The following COMMD10 variants were observed in gnomAD, a reference collection of about 807,000 sequenced individuals.
COMMD10 encodes COMM domain-containing protein 10.
In COMMD10, 33 loss-of-function variants were observed where a neutral mutation model predicts 28.9. The ratio of observed to expected loss-of-function variants is 1.14; its 90% CI spans 0.87 to 1.53. COMMD10 has a LOEUF of 1.53. COMMD10 is among the 40% of genes most tolerant of loss of function. The probability of loss-of-function intolerance (pLI) is 0.00; values close to 1 mark genes in which losing one functional copy is unlikely to be tolerated. For synonymous variants in COMMD10, 110 were observed against 81.7 expected, an observed-to-expected ratio of 1.35 and a Z score of -1.87; for missense variants, 310 against 233.4, an observed-to-expected ratio of 1.33 and a Z score of -2.14.
At chr5:116,139,617 C>A (rs765238410) in intron 5 of COMMD10, among the ~76,000 whole-genome samples, 6 of 151,028 alleles carry the variant, frequency 4.0e-5, no homozygotes, top group African/African-American at 1.5e-4. Context: ...TGAAGTATCA[C>A]GTATCATATC....
intron 5 of COMMD10, among the ~76,000 whole-genome samples, chr5:116,290,612 G>A (rs528107247): frequency 1.3e-5 from 2 of 151,992 alleles, no homozygotes; most frequent in African/African-American, 4.8e-5. Flanking sequence ...ATGACCATGT[G>A]GCTCAATTTT....
rs146202667 is a variant in COMMD10, at chr5:116,104,809, C to T, written c.399+12109C>T. Among the ~76,000 whole-genome samples the T allele has an allele frequency of 7.2e-3, 1,098 of 152,124 alleles. 13 individuals carry two copies. Among genetic ancestry groups the T allele is most frequent in the African/African-American group, 0.025 (1,022 of 41,502 alleles). ...TAATTTTTTGTATTTTTAGTAGAGA[C>T]GGGGTTTCACTGTCTTAGCCAGGAT... On this transcript the variant is annotated intron_variant, in intron 4 of 6. Coordinates refer to ENST00000274458, the MANE Select transcript of COMMD10 (RefSeq NM_016144.4).
chr5:116,117,006 T>A (rs1213012267), intron 4 of COMMD10, among the ~76,000 whole-genome samples: 1 of 152,234 alleles, frequency 6.6e-6, no homozygotes, highest in Admixed American at 6.5e-5. Flanking sequence ...CAGATTAGTT[T>A]TGTCTGCTCT....
chr5:116,168,255 G>A (rs1224687033), intron 5 of COMMD10, among the ~76,000 whole-genome samples: 1 of 151,206 alleles, frequency 6.6e-6, no homozygotes, highest in Non-Finnish European at 1.5e-5. Context: ...ATTACATAAT[G>A]ATAAAGGGAT....
chr5:116,085,214 G>A, intron 1 of COMMD10, 121 bp downstream of exon 1: 1 of 715,234 alleles, frequency 1.4e-6, no homozygotes, highest in East Asian at 2.9e-5. Flanking sequence ...GAGTGGGGTG[G>A]GGTGGGGTGG....
chr5:116,211,154 G>T (rs142013271), intron 5 of COMMD10, among the ~76,000 whole-genome samples: 1 of 152,026 alleles, frequency 6.6e-6, no homozygotes, highest in Admixed American at 6.6e-5. Flanking sequence ...TTATGTTTAT[G>T]TGTGTGTTTA....
intron 5 of COMMD10, among the ~76,000 whole-genome samples, chr5:116,254,415 G>GC (rs1188145440): frequency 4.0e-5 from 6 of 151,460 alleles, no homozygotes. Context: ...GATCTTTCCT[G>GC]CTTTCTCTTG....
Position 116,276,003 on chromosome 5 carries a change from T to A in COMMD10, c.511-15514T>A, listed in dbSNP as rs540290308. Among the ~76,000 whole-genome samples, 314 of 151,024 alleles carry A rather than the reference T, an allele frequency of 2.1e-3. 9 individuals carry two copies. The highest frequency in any genetic ancestry group is 7.2e-3 in the African/African-American group (293 of 40,804). On this transcript the variant is annotated intron_variant, in intron 5 of 6. Coordinates refer to ENST00000274458, the MANE Select transcript of COMMD10 (RefSeq NM_016144.4). ...CTACCCTTGACCTTAAGGAACACAC[T>A]ATGTTTTGGAAGCCTTCATTGTAAA...
chr5:116,215,695 AATATAT>A (rs58135204), intron 5 of COMMD10, among the ~76,000 whole-genome samples: 40,555 of 133,154 alleles, frequency 0.3, 6,710 homozygotes, highest in Middle Eastern at 0.47. Flanking sequence ...TAAAAAAAGA[AATATAT>A]ATATATATAT....
intron 5 of COMMD10, among the ~76,000 whole-genome samples, chr5:116,193,853 A>G (rs944592715): frequency 3.3e-5 from 5 of 152,282 alleles, no homozygotes; most frequent in African/African-American, 1.2e-4. Flanking sequence ...CAACAACCAC[A>G]GAATATGCAT....
At chr5:116,150,464 T>C (rs1036354745) in intron 5 of COMMD10, among the ~76,000 whole-genome samples, 2 of 151,960 alleles carry the variant, frequency 1.3e-5, no homozygotes, top group African/African-American at 4.8e-5. Context: ...GCTATTTTCA[T>C]GATATTGATT....
intron 4 of COMMD10, among the ~76,000 whole-genome samples, chr5:116,106,914 G>A (rs774884724): frequency 7.9e-5 from 12 of 152,178 alleles, no homozygotes; most frequent in Middle Eastern, 6.8e-3. Flanking sequence ...ACACCAATGA[G>A]TCTTGACTCT....
rs930843987 is a variant in COMMD10 at position 116,120,507 on chromosome 5, TA to T, written c.400-13553del. On this transcript the variant is annotated intron_variant, in intron 4 of 6. Transcript: ENST00000274458. ...ACCCCAAAAACTATTGAAATAAAAT[TA>T]AAAAAAATTTTTTTTAAAGATAGAG... Among the ~76,000 whole-genome samples the T allele has an allele frequency of 9.9e-5, 15 of 152,046 alleles. 1 individual carries two copies. Among genetic ancestry groups the T allele is most frequent in the South Asian group, 2.1e-4 (1 of 4,818 alleles).
chr5:116,153,954 A>G (rs1401072976), intron 5 of COMMD10, among the ~76,000 whole-genome samples: 2 of 151,988 alleles, frequency 1.3e-5, no homozygotes, highest in Non-Finnish European at 2.9e-5. Flanking sequence ...AGAGAATTAG[A>G]GAATTTAGGG....
At chr5:116,169,224 A>C (rs917876634) in intron 5 of COMMD10, among the ~76,000 whole-genome samples, 2 of 152,206 alleles carry the variant, frequency 1.3e-5, no homozygotes, top group African/African-American at 2.4e-5. Context: ...AAACACCTCT[A>C]TACAAATAAA....
At chr5:116,177,304 A>G (rs55796115) in intron 5 of COMMD10, among the ~76,000 whole-genome samples, 46,876 of 151,726 alleles carry the variant, frequency 0.31, 10,103 homozygotes, top group African/African-American at 0.62. Flanking sequence ...TTTCTCTCTC[A>G]TCTTCATATG....
Position 116,293,252 on chromosome 5 carries a change from G to A in COMMD10, c.*763G>A, listed in dbSNP as rs746666855. 3.1e-5 allele frequency: 11 copies of A among 354,248 alleles called. No individual in the cohort carries two copies. Among genetic ancestry groups the A allele is most frequent in the Middle Eastern group, 7.3e-4 (1 of 1,378 alleles). 21.9% of individuals were successfully genotyped at this position (354,248 alleles called of 1,614,324 possible). Reference sequence around the variant, plus strand: ...TTTTATATTCTCTTTCCATAAATACGTTGATTTCTGTCAATAAAATTTTTG... The same window carrying A: ...TTTTATATTCTCTTTCCATAAATACATTGATTTCTGTCAATAAAATTTTTG... On this transcript the variant is annotated 3_prime_UTR_variant, in exon 7 of 7. Transcript: ENST00000274458.
At chr5:116,237,551 A>G (rs771353126) in intron 5 of COMMD10, among the ~76,000 whole-genome samples, 5 of 151,970 alleles carry the variant, frequency 3.3e-5, no homozygotes, top group Non-Finnish European at 7.4e-5. Context: ...GGCACATGCT[A>G]TATAGTCCAG....
chr5:116,261,301 A>T (rs1344532785), intron 5 of COMMD10, among the ~76,000 whole-genome samples: 1 of 151,694 alleles, frequency 6.6e-6, no homozygotes, highest in Non-Finnish European at 1.5e-5. Flanking sequence ...AAGGAGATGA[A>T]AATTGTAGAT....
Sources: allele counts gnomAD v4.1 joint callset (sites outside exome capture counted in the v4.1 genomes callset), GRCh38; gene constraint gnomAD v4.1.1; transcripts MANE v1.5; gene names NCBI Gene and HGNC (gene_info 2026-07-23, HGNC 2026-07-21).